The following SLC35F1 variants were observed in gnomAD, a reference collection of about 807,000 sequenced individuals.
The protein encoded by SLC35F1 is chromosome 6 open reading frame 169.
A neutral mutation model predicts 48.7 loss-of-function variants in SLC35F1; 14 were observed. The ratio of observed to expected loss-of-function variants is 0.29; its 90% CI spans 0.19 to 0.45. The LOEUF is 0.45. Ranked by LOEUF, SLC35F1 falls within the 20% of genes least tolerant of loss-of-function variation. The probability of loss-of-function intolerance (pLI) is 1.00; values close to 1 mark genes in which losing one functional copy is unlikely to be tolerated. For synonymous variants in SLC35F1, 190 were observed against 202.2 expected, an observed-to-expected ratio of 0.94 and a Z score of 0.51; for missense variants, 404 against 500.0, an observed-to-expected ratio of 0.81 and a Z score of 1.83.
In SLC35F1 at chr6:118,024,872, A is replaced by G. The variant is rs529521159; in HGVS notation, c.173+116973A>G. Among the ~76,000 whole-genome samples, 19 of 152,296 alleles carry G rather than the reference A, an allele frequency of 1.2e-4. No individual in the cohort carries two copies. In the East Asian group the frequency reaches 1.7e-3, roughly 14 times the overall value. ...GGAGAATCTCATATAACTGAAATCA[A>G]TATGGCCAAGTAAAGTTTTATGCTT... On this transcript the variant is annotated intron_variant, in intron 1 of 7. Coordinates refer to ENST00000360388, the MANE Select transcript of SLC35F1 (RefSeq NM_001029858.4).
intron 1 of SLC35F1, among the ~76,000 whole-genome samples, chr6:117,923,844 A>ATACACATTACATG (rs1248286457): frequency 5.6e-4 from 54 of 96,240 alleles, no homozygotes; most frequent in Non-Finnish European, 8.4e-4. Flanking sequence ...CACATTACAT[A>ATACACATTACATG]TATGCACATA....
chr6:118,288,151 T>C (rs944107075), intron 7 of SLC35F1, among the ~76,000 whole-genome samples: 3 of 152,198 alleles, frequency 2.0e-5, no homozygotes, highest in Non-Finnish European at 4.4e-5. Flanking sequence ...TTTTAAAAAT[T>C]AAACTATGAA....
In SLC35F1 at chr6:118,275,474, T is replaced by C. The variant is rs1376762590; in HGVS notation, c.653T>C (p.Val218Ala). The part of the protein sequence containing the change: ...RHQGAGENKL[V>A]GDLLVLGGAT... ...TGGTTCCTAGGGGAAAATAAGCTGG[T>C]AGGGGACCTTCTGGTCTTAGGAGGA... The change falls in exon 5 of 8, where the codon GTA becomes GCA. Residue 218 changes from valine (V) to alanine (A), a missense_variant. Physicochemically the swap from Val to Ala is moderately conservative, Grantham distance 64 (BLOSUM62 0). Around this residue, in one of 2 missense-constraint regions of SLC35F1, gnomAD observed 306 missense variants for 419.1 expected, o/e 0.73. Transcript: ENST00000360388. The C allele has an allele frequency of 6.2e-7, 1 of 1,612,988 alleles. No individual in the cohort carries two copies. The highest frequency in any genetic ancestry group is 1.1e-5 in the South Asian group (1 of 90,858).
intron 1 of SLC35F1, among the ~76,000 whole-genome samples, chr6:117,990,405 A>T (rs1776902471): frequency 6.6e-6 from 1 of 152,202 alleles, no homozygotes; most frequent in Non-Finnish European, 1.5e-5. Context: ...TCCCCAGTGA[A>T]ATGTCTTCTC....
At chr6:118,015,465 G>A (rs892871447) in intron 1 of SLC35F1, among the ~76,000 whole-genome samples, 4 of 150,848 alleles carry the variant, frequency 2.7e-5, no homozygotes, top group South Asian at 4.2e-4. Flanking sequence ...CCTCAAGTAG[G>A]CCCCAGTATC....
At chr6:118,021,236 TGAGTA>T (rs1319632875) in intron 1 of SLC35F1, among the ~76,000 whole-genome samples, 1 of 152,098 alleles carries the variant, frequency 6.6e-6, no homozygotes, top group African/African-American at 2.4e-5. Context: ...TTTTAGAGAT[TGAGTA>T]GAGTAAAGGG....
At chr6:117,925,292 C>G (rs895965823) in intron 1 of SLC35F1, among the ~76,000 whole-genome samples, 2 of 151,996 alleles carry the variant, frequency 1.3e-5, no homozygotes, top group African/African-American at 4.8e-5. Flanking sequence ...AAAGGACTTG[C>G]ATTTAGATGG....
In SLC35F1 at chr6:117,934,251, G is replaced by A. The variant is rs76988225; in HGVS notation, c.173+26352G>A. On this transcript the variant is annotated intron_variant, in intron 1 of 7. Coordinates refer to ENST00000360388, the MANE Select transcript of SLC35F1 (RefSeq NM_001029858.4). Reference sequence around the variant, plus strand: ...CCTCAGAAGTATGGTGCAGTTCAGCGTGGCTGATGTGAGCCATTCTTGATT... The same window carrying A: ...CCTCAGAAGTATGGTGCAGTTCAGCATGGCTGATGTGAGCCATTCTTGATT... Among the ~76,000 whole-genome samples, 39 of 152,234 alleles carry A rather than the reference G, an allele frequency of 2.6e-4. No individual in the cohort carries two copies. In the East Asian group the frequency reaches 3.7e-3, roughly 14 times the overall value.
chr6:118,186,124 T>A (rs1231626129), intron 2 of SLC35F1, among the ~76,000 whole-genome samples: 1 of 152,026 alleles, frequency 6.6e-6, no homozygotes, highest in Non-Finnish European at 1.5e-5. Flanking sequence ...CCTCTCTGGG[T>A]CACGATATCT....
At chr6:118,269,437 C>A (rs1258492446) in intron 4 of SLC35F1, among the ~76,000 whole-genome samples, 1 of 152,012 alleles carries the variant, frequency 6.6e-6, no homozygotes, top group African/African-American at 2.4e-5. Flanking sequence ...GTTTTAAGAC[C>A]AGCCCAGATA....
At chr6:118,065,783 A>G (rs1772606035) in intron 1 of SLC35F1, among the ~76,000 whole-genome samples, 1 of 152,246 alleles carries the variant, frequency 6.6e-6, no homozygotes, top group Admixed American at 6.5e-5. Context: ...GTCTTAGATT[A>G]GTAAAATTAT....
At chr6:118,007,186 G>T (rs570371474) in intron 1 of SLC35F1, among the ~76,000 whole-genome samples, 1 of 152,230 alleles carries the variant, frequency 6.6e-6, no homozygotes, top group Non-Finnish European at 1.5e-5. Context: ...CCTTCTTGCT[G>T]AAGCGGGGAC....
chr6:118,171,826 T>C (rs72963636), intron 2 of SLC35F1, among the ~76,000 whole-genome samples: 11,522 of 152,226 alleles, frequency 0.076, 578 homozygotes, highest in Middle Eastern at 0.16. Flanking sequence ...TGTGTCCCAG[T>C]GGACTCCTTT....
At chr6:118,098,349 T>G (rs1424057630) in intron 1 of SLC35F1, among the ~76,000 whole-genome samples, 1 of 152,202 alleles carries the variant, frequency 6.6e-6, no homozygotes, top group Non-Finnish European at 1.5e-5. Flanking sequence ...CAGTGTCTCC[T>G]GATGCTAGTG....
chr6:117,988,506 T>C (rs1776876877), intron 1 of SLC35F1, among the ~76,000 whole-genome samples: 1 of 152,218 alleles, frequency 6.6e-6, no homozygotes. Flanking sequence ...TATGCAGAGT[T>C]GAAAACTTCC....
intron 1 of SLC35F1, among the ~76,000 whole-genome samples, chr6:118,082,128 T>C (rs1416840832): frequency 3.3e-5 from 5 of 152,232 alleles, no homozygotes; most frequent in East Asian, 1.9e-4. Flanking sequence ...AAAATACAGA[T>C]TGGAGCCTCA....
intron 1 of SLC35F1, among the ~76,000 whole-genome samples, chr6:118,128,582 G>C (rs1054499525): frequency 1.2e-4 from 18 of 148,174 alleles, no homozygotes; most frequent in African/African-American, 4.5e-4. Context: ...AACACCGCAT[G>C]TTCTCACTCA....
chr6:118,205,936 A>G (rs543289294), intron 2 of SLC35F1, among the ~76,000 whole-genome samples: 2 of 152,292 alleles, frequency 1.3e-5, no homozygotes, highest in East Asian at 3.9e-4. Context: ...AGACTAGGTA[A>G]GTTCGCAGAG....
chr6:118,097,314 GTGAA>G (rs1161001959), intron 1 of SLC35F1, among the ~76,000 whole-genome samples: 2 of 152,164 alleles, frequency 1.3e-5, no homozygotes, highest in African/African-American at 4.8e-5. Context: ...TAAATGTTGA[GTGAA>G]TGAATGAATG....
Sources: allele counts gnomAD v4.1 joint callset (sites outside exome capture counted in the v4.1 genomes callset), GRCh38; gene constraint gnomAD v4.1.1; regional missense constraint gnomAD v4.1.1; transcripts MANE v1.5; gene names NCBI Gene and HGNC (gene_info 2026-07-23, HGNC 2026-07-21).